RGS7: variants seen among roughly 807,000 people sequenced by gnomAD.
RGS7 encodes the protein regulator of G-protein signaling 7.
Under a neutral mutation model 81.1 loss-of-function variants are expected in RGS7, and 27 were observed. The observed-to-expected ratio is 0.33, with a 90% CI of 0.25 to 0.46. The LOEUF is 0.46. Ranked by LOEUF, RGS7 falls within the 20% of genes least tolerant of loss-of-function variation. The pLI, the probability that RGS7 is intolerant of heterozygous loss-of-function variation, is 1.00. For missense variants in RGS7, 396 were observed against 607.4 expected (o/e 0.65, Z 3.66); for synonymous variants, 208 against 207.7 (o/e 1.00, Z -0.01).
At chr1:240,891,511 G>T (rs576615489) in intron 6 of RGS7, among the ~76,000 whole-genome samples, 21 of 152,004 alleles carry the variant, frequency 1.4e-4, no homozygotes, top group African/African-American at 4.8e-4. Context: ...AATATATTAA[G>T]TAAGAAATTA....
chr1:241,112,755 T>C (rs570524004), intron 2 of RGS7, among the ~76,000 whole-genome samples: 1 of 152,314 alleles, frequency 6.6e-6, no homozygotes, highest in South Asian at 2.1e-4. Flanking sequence ...AAGGAAAAGA[T>C]TTCTACTTTA....
At chr1:241,273,933 A>G (rs562156468) in intron 2 of RGS7, among the ~76,000 whole-genome samples, 1 of 152,232 alleles carries the variant, frequency 6.6e-6, no homozygotes, top group Admixed American at 6.5e-5. Context: ...GCTCCTTGAG[A>G]TTCTAATCCT....
rs141592537 is a variant in RGS7 at position 240,891,042 on chromosome 1, T to A, written c.386-20923A>T. Among the ~76,000 whole-genome samples the A allele has an allele frequency of 3.7e-3, 559 of 152,246 alleles. 5 individuals are homozygous for A. Among genetic ancestry groups the A allele is most frequent in the African/African-American group, 0.013 (536 of 41,552 alleles). ...ACCTGATCAATGCAGAAAGAAAGGATTATAGTGAGACAAAACTTTGCAAGA... is the reference window on the plus strand; with the variant it reads ...ACCTGATCAATGCAGAAAGAAAGGAATATAGTGAGACAAAACTTTGCAAGA... On this transcript the variant is annotated intron_variant, in intron 6 of 18. Transcript: ENST00000440928.
chr1:241,226,582 C>T (rs1328219640), intron 2 of RGS7, among the ~76,000 whole-genome samples: 2 of 152,094 alleles, frequency 1.3e-5, no homozygotes, highest in Non-Finnish European at 2.9e-5. Flanking sequence ...GGATCTTATA[C>T]AAAAACAGAG....
At chr1:240,827,217 A>C in intron 9 of RGS7, 45 bp from the exon 10 acceptor site, 1 of 1,469,540 alleles carries the variant, frequency 6.8e-7, no homozygotes, top group South Asian at 1.1e-5. Flanking sequence ...TTGGGTGTGA[A>C]ATTTCTGACC....
intron 9 of RGS7, among the ~76,000 whole-genome samples, chr1:240,859,045 G>C (rs775934254): frequency 6.6e-6 from 1 of 152,318 alleles, no homozygotes; most frequent in Non-Finnish European, 1.5e-5. Context: ...TTCTGGAAAA[G>C]ATTGTAAAGA....
At chr1:241,034,953 C>T (rs576470302) in intron 3 of RGS7, among the ~76,000 whole-genome samples, 6 of 152,202 alleles carry the variant, frequency 3.9e-5, no homozygotes, top group Non-Finnish European at 8.8e-5. Flanking sequence ...TTCTTCCAAC[C>T]CTCCACTTCT....
At chr1:241,173,491 C>G (rs199803311) in intron 2 of RGS7, among the ~76,000 whole-genome samples, 2 of 152,118 alleles carry the variant, frequency 1.3e-5, no homozygotes, top group East Asian at 3.9e-4. Flanking sequence ...TAGTGGTAAT[C>G]TGAAAACTAC....
intron 6 of RGS7, among the ~76,000 whole-genome samples, chr1:240,898,870 G>A (rs1022341563): frequency 6.6e-6 from 1 of 152,164 alleles, no homozygotes; most frequent in Non-Finnish European, 1.5e-5. Flanking sequence ...TCTGTCTAAT[G>A]TTGACAGTGG....
chr1:241,273,184 C>CCA (rs1553305837), intron 2 of RGS7, among the ~76,000 whole-genome samples: 1 of 144,176 alleles, frequency 6.9e-6, no homozygotes, highest in Non-Finnish European at 1.5e-5. Context: ...AACCCCCCCC[C>CCA]CCAAAGGATA....
At chr1:240,949,858 A>AG (rs1296480027) in intron 4 of RGS7, among the ~76,000 whole-genome samples, 3 of 151,274 alleles carry the variant, frequency 2.0e-5, no homozygotes, top group Admixed American at 2.0e-4. Flanking sequence ...AAAAAAAAAA[A>AG]AAAAAAAAAG....
intron 3 of RGS7, among the ~76,000 whole-genome samples, chr1:241,031,137 T>G (rs2060066716): frequency 6.6e-6 from 1 of 152,154 alleles, no homozygotes; most frequent in Admixed American, 6.6e-5. Flanking sequence ...CCTCCCACCC[T>G]TCCGAGTCTT....
At chr1:241,117,730 C>T (rs180978366) in intron 2 of RGS7, among the ~76,000 whole-genome samples, 1 of 152,242 alleles carries the variant, frequency 6.6e-6, no homozygotes, top group Admixed American at 6.5e-5. Flanking sequence ...AAAGAAGAAA[C>T]AACCCTAGGA....
intron 2 of RGS7, among the ~76,000 whole-genome samples, chr1:241,252,887 C>A (rs953216513): frequency 6.6e-6 from 1 of 152,172 alleles, no homozygotes; most frequent in African/African-American, 2.4e-5. Flanking sequence ...ACACTGCCCC[C>A]CTTATCCTCG....
chr1:240,814,574 A>G, intron 12 of RGS7, 142 bp downstream of exon 12: 1 of 648,524 alleles, frequency 1.5e-6, no homozygotes, highest in East Asian at 2.7e-5. Context: ...TTCTATGTGC[A>G]AAAAGGAAAA....
intron 2 of RGS7, among the ~76,000 whole-genome samples, chr1:241,133,004 C>T (rs1310943716): frequency 2.6e-5 from 4 of 152,056 alleles, no homozygotes. Flanking sequence ...CCTCGTAATC[C>T]GCCTGCCTCA....
At chr1:240,794,906 G>A (rs1686735001) in intron 18 of RGS7, among the ~76,000 whole-genome samples, 1 of 152,094 alleles carries the variant, frequency 6.6e-6, no homozygotes, top group Admixed American at 6.5e-5. Flanking sequence ...GGTAAGGCTG[G>A]GCGTGGTGGC....
intron 4 of RGS7, among the ~76,000 whole-genome samples, chr1:240,974,406 C>G (rs1683753146): frequency 6.6e-6 from 1 of 152,154 alleles, no homozygotes; most frequent in Admixed American, 6.5e-5. Flanking sequence ...TAAGAGAGCA[C>G]AAACTGAATC....
intron 2 of RGS7, among the ~76,000 whole-genome samples, chr1:241,214,944 T>A (rs899781207): frequency 1.2e-4 from 18 of 152,216 alleles, no homozygotes; most frequent in African/African-American, 3.6e-4. Flanking sequence ...ATCTATTTTT[T>A]CCTATGGATT....
Sources: allele counts gnomAD v4.1 joint callset (sites outside exome capture counted in the v4.1 genomes callset), GRCh38; gene constraint gnomAD v4.1.1; transcripts MANE v1.5; gene names NCBI Gene and HGNC (gene_info 2026-07-23, HGNC 2026-07-21).